SDHB: variants seen among roughly 807,000 people sequenced by gnomAD.
SDHB encodes the protein succinate dehydrogenase [ubiquinone] iron-sulfur subunit, mitochondrial.
A neutral mutation model predicts 39.7 loss-of-function variants in SDHB; 21 were observed. The ratio of observed to expected loss-of-function variants is 0.53; its 90% CI spans 0.37 to 0.76. The LOEUF (loss-of-function observed/expected upper bound fraction) is 0.76, where lower values mean the gene tolerates loss of function less well. Among genes scored for constraint, SDHB ranks in the 30% least tolerant of loss-of-function variants. The pLI is 0.00. For synonymous variants in SDHB, 118 were observed against 117.0 expected (o/e 1.01, Z -0.06); for missense variants, 343 against 350.9 (o/e 0.98, Z 0.18).
At chr1:17,047,824 G>A (rs1328424165) in intron 1 of SDHB, among the ~76,000 whole-genome samples, 3 of 152,032 alleles carry the variant, frequency 2.0e-5, no homozygotes, top group Non-Finnish European at 4.4e-5. Flanking sequence ...ACAGGCATGC[G>A]CCACCATGCC....
intron 5 of SDHB, among the ~76,000 whole-genome samples, chr1:17,026,878 A>AC (rs2101520378): frequency 6.6e-6 from 1 of 150,690 alleles, no homozygotes; most frequent in South Asian, 2.1e-4. Flanking sequence ...TGATCCTCCT[A>AC]CCTCAGCCTC....
At chr1:17,019,933 C>T (rs1396130990) in intron 7 of SDHB, among the ~76,000 whole-genome samples, 1 of 152,080 alleles carries the variant, frequency 6.6e-6, no homozygotes, top group Non-Finnish European at 1.5e-5. Flanking sequence ...GATGGGATCT[C>T]ACTATGTTGT....
chr1:17,049,801 C>T (rs1546925), intron 1 of SDHB, among the ~76,000 whole-genome samples: 63,761 of 151,184 alleles, frequency 0.42, 15,082 homozygotes, highest in Non-Finnish European at 0.54. Flanking sequence ...GCGTGTCACA[C>T]GCCCGGCTAA....
At chr1:17,027,515 C>A in intron 5 of SDHB, 2 of 529,538 alleles carry the variant, frequency 3.8e-6, no homozygotes, top group Non-Finnish European at 6.9e-6. Context: ...ACAGCAACCA[C>A]CCGCCCCTGC....
chr1:17,019,938 T>C (rs2647164), intron 7 of SDHB, among the ~76,000 whole-genome samples: 16,383 of 152,212 alleles, frequency 0.11, 1,029 homozygotes, highest in African/African-American at 0.17. Flanking sequence ...GATCTCACTA[T>C]GTTGTCCAGG....
intron 6 of SDHB, 87 bp from the exon 7 acceptor site, chr1:17,022,817 G>C (rs1371532511): frequency 6.6e-7 from 1 of 1,519,148 alleles, no homozygotes; most frequent in Admixed American, 1.9e-5. Flanking sequence ...GGAGTGCAGA[G>C]GAAAGGGAAT....
intron 5 of SDHB, among the ~76,000 whole-genome samples, chr1:17,026,998 G>A (rs2077994730): frequency 1.3e-5 from 2 of 152,134 alleles, no homozygotes; most frequent in South Asian, 2.1e-4. Flanking sequence ...AATAACATGC[G>A]CCAGGGCCTA....
chr1:17,022,589 G>C lies in SDHB; in HGVS notation c.765+19C>G. 6.2e-7 allele frequency: 1 copy of C among 1,613,290 alleles called. No individual in the cohort carries two copies. Among genetic ancestry groups the C allele is most frequent in the Non-Finnish European group, 8.5e-7 (1 of 1,179,482 alleles). Reference sequence around the variant, plus strand: ...GTGTCAGCTCTGAGGCAGAGCTGAGGGTCACCAGCCCCACGTACCTTAGGA... The same window carrying C: ...GTGTCAGCTCTGAGGCAGAGCTGAGCGTCACCAGCCCCACGTACCTTAGGA... On this transcript the variant is annotated intron_variant, in intron 7 of 7. Transcript: ENST00000375499.
At chr1:17,033,683 G>A (rs2078034840) in intron 2 of SDHB, among the ~76,000 whole-genome samples, 1 of 152,196 alleles carries the variant, frequency 6.6e-6, no homozygotes, top group East Asian at 1.9e-4. Flanking sequence ...CTGGAGTGCC[G>A]GCCTGGCAGC....
chr1:17,043,224 G>C (rs2078091370), intron 2 of SDHB, among the ~76,000 whole-genome samples: 1 of 152,064 alleles, frequency 6.6e-6, no homozygotes, highest in South Asian at 2.1e-4. Context: ...GCTTCCCAAA[G>C]TGCTGGGATT....
At chr1:17,020,647 C>A (rs946670758) in intron 7 of SDHB, among the ~76,000 whole-genome samples, 4 of 152,204 alleles carry the variant, frequency 2.6e-5, no homozygotes, top group Non-Finnish European at 4.4e-5. Flanking sequence ...CTCAAACAAG[C>A]CCAGTACTCA....
intron 3 of SDHB, among the ~76,000 whole-genome samples, chr1:17,030,938 G>A (rs2078018822): frequency 6.7e-6 from 1 of 148,802 alleles, no homozygotes; most frequent in South Asian, 2.1e-4. Flanking sequence ...CTCGGCCTCT[G>A]AATGCCTGGC....
chr1:17,022,127 A>G (rs376027699), intron 7 of SDHB, among the ~76,000 whole-genome samples: 1 of 152,234 alleles, frequency 6.6e-6, no homozygotes. Flanking sequence ...CAAAAGCAGC[A>G]GCAAATGCGA....
intron 1 of SDHB, among the ~76,000 whole-genome samples, chr1:17,046,473 AAC>A (rs1423548026): frequency 6.6e-6 from 1 of 152,326 alleles, no homozygotes; most frequent in African/African-American, 2.4e-5. Context: ...CCACAATTAC[AAC>A]AGAGTATTTC....
chr1:17,023,413 A>G (rs1331438612), intron 6 of SDHB, among the ~76,000 whole-genome samples: 1 of 152,266 alleles, frequency 6.6e-6, no homozygotes, highest in African/African-American at 2.4e-5. Flanking sequence ...TGGGAAAATG[A>G]GAAAGAGAAG....
chr1:17,022,220 A>AGAGCAGATTAGCAGCTGACATCGC (rs1192074233), intron 7 of SDHB, among the ~76,000 whole-genome samples: 1 of 152,258 alleles, frequency 6.6e-6, no homozygotes, highest in African/African-American at 2.4e-5. Flanking sequence ...GCTAGAGAGC[A>AGAGCAGATTAGCAGCTGACATCGC]GAGCAGATTA....
At chr1:17,036,728 AT>A in intron 2 of SDHB, among the ~76,000 whole-genome samples, 1 of 146,856 alleles carries the variant, frequency 6.8e-6, no homozygotes, top group Non-Finnish European at 1.5e-5. Flanking sequence ...AAATATTTAT[AT>A]AAATATGAAT....
intron 1 of SDHB, among the ~76,000 whole-genome samples, chr1:17,049,677 T>G (rs1275287834): frequency 2.8e-4 from 31 of 108,906 alleles, no homozygotes; most frequent in African/African-American, 8.3e-4. Context: ...TTTTTTTTTT[T>G]GTGAGACAGT....
At position 17,053,980 on chromosome 1, in the gene SDHB, G is replaced by A. The variant is rs2101551766; in HGVS notation, c.40C>T (p.Pro14Ser). ...VVALSLRRRL[P>S]ATTLGGACLQ... is the part of the protein sequence containing the mutation. ...CAGGCTCCGCCAAGGGTTGTGGCCG[G>A]CAACCGGCGCCTCAAGGAGAGGGCG... The change falls in exon 1 of 8, where the codon CCG (proline) becomes TCG (serine). Residue 14 changes from proline (P) to serine (S), a missense_variant. Pro to Ser is a moderately conservative substitution (Grantham distance 74, BLOSUM62 -1). Coordinates refer to ENST00000375499, the MANE Select transcript of SDHB (RefSeq NM_003000.3). 3 of 1,612,954 alleles carry A rather than the reference G, an allele frequency of 1.9e-6. No individual in the cohort carries two copies. The South Asian group carries it at 3.3e-5, about 18-fold the overall frequency.
Sources: allele counts gnomAD v4.1 joint callset (sites outside exome capture counted in the v4.1 genomes callset), GRCh38; gene constraint gnomAD v4.1.1; transcripts MANE v1.5; gene names NCBI Gene and HGNC (gene_info 2026-07-23, HGNC 2026-07-21).